Variants in RRP12 observed in about 807,000 individuals in gnomAD.
RRP12 encodes the protein ribosomal RNA processing 12 homolog.
Under a neutral mutation model 157.3 loss-of-function variants are expected in RRP12, and 78 were observed. The observed-to-expected ratio is 0.50, with a 90% CI of 0.41 to 0.60. The LOEUF (loss-of-function observed/expected upper bound fraction) is 0.60, where lower values mean the gene tolerates loss of function less well. RRP12 is among the 20% of genes least tolerant of loss of function. RRP12 has a pLI of 0.00. For missense variants in RRP12, 1,521 were observed against 1,679.9 expected (o/e 0.91, Z 1.65); for synonymous variants, 726 against 670.9 (o/e 1.08, Z -1.27).
chr10:97,379,542 G>T (rs1844404738), intron 14 of RRP12, 86 bp downstream of exon 14: 3 of 1,593,338 alleles, frequency 1.9e-6, no homozygotes, highest in Non-Finnish European at 2.6e-6. Context: ...CACTGACACA[G>T]ACTTTAGCCC....
At position 97,360,597 on chromosome 10, in the gene RRP12, G is replaced by T. The variant is rs762453114; in HGVS notation, c.3589C>A (p.His1197Asn). The T allele has an allele frequency of 3.1e-6, 5 of 1,613,974 alleles. No homozygotes were observed. In the South Asian group the frequency reaches 5.5e-5, roughly 18 times the overall value. ...IRNKKHQKLK[H>N]QKEAEEEELE... ...TCCTCCTCCTCAGCCTCTTTCTGGTGCTTGAGCTTCTGGTGCTTTTTCTAT... is the reference window on the plus strand; with the variant it reads ...TCCTCCTCCTCAGCCTCTTTCTGGTTCTTGAGCTTCTGGTGCTTTTTCTAT... The change falls in exon 31 of 34, where the codon CAC (histidine) becomes AAC (asparagine). Residue 1197 changes from histidine (H) to asparagine (N), a missense_variant. Transcript: ENST00000370992.
chr10:97,388,424 C>T (rs1332877621), intron 7 of RRP12, 45 bp from the exon 8 acceptor site: 1 of 1,613,010 alleles, frequency 6.2e-7, no homozygotes, highest in South Asian at 1.1e-5. Context: ...CGCCCTACCG[C>T]AGGCCCTGTC....
intron 7 of RRP12, 38 bp from the exon 8 acceptor site, chr10:97,388,417 C>T: frequency 6.2e-7 from 1 of 1,613,126 alleles, no homozygotes; most frequent in Non-Finnish European, 8.5e-7. Flanking sequence ...CCAGCCCCGC[C>T]CTACCGCAGG....
At position 97,388,485 on chromosome 10, in the gene RRP12, C is replaced by T; in HGVS notation, c.889+4G>A. The T allele has an allele frequency of 6.2e-7, 1 of 1,614,046 alleles. No homozygotes were observed. The highest frequency in any genetic ancestry group is 8.5e-7 in the Non-Finnish European group (1 of 1,179,922). ...TCCACCTGCCCTCCATTTGGGTTCC[C>T]CACCTCCAGACTTCTCAATCTCCTG... On this transcript the variant is annotated splice_donor_region_variant and intron_variant, in intron 7 of 33. Transcript: ENST00000370992.
At chr10:97,393,570 C>T (rs573753872) in intron 4 of RRP12, 114 bp downstream of exon 4, 17 of 868,024 alleles carry the variant, frequency 2.0e-5, no homozygotes, top group South Asian at 4.3e-5. Flanking sequence ...AGACAATGTT[C>T]ATGAAGAGCA....
In RRP12 at chr10:97,386,834, C is replaced by CA. The variant is rs922122250; in HGVS notation, c.1018-842dup. 6.0e-4 allele frequency among the ~76,000 whole-genome samples: 91 copies of CA among 152,178 alleles called. 2 individuals are homozygous for CA. Among genetic ancestry groups the CA allele is most frequent in the African/African-American group, 2.2e-3 (90 of 41,532 alleles). ...TGAAACCCCGTGTCTACTAAAAATA[C>CA]AAAAAACTAGTCAGGTGTGGTGGCG... is the stretch of plus-strand genomic sequence containing the variant. On this transcript the variant is annotated intron_variant, in intron 8 of 33. Transcript: ENST00000370992.
chr10:97,394,984 A>T (rs1453072274), intron 3 of RRP12, among the ~76,000 whole-genome samples: 1 of 151,986 alleles, frequency 6.6e-6, no homozygotes, highest in South Asian at 2.1e-4. Flanking sequence ...CTCTACTAAA[A>T]ATACAAAAAT....
chr10:97,366,664 C>A (rs543352035), intron 27 of RRP12, 43 bp from the exon 28 acceptor site: 1 of 1,597,408 alleles, frequency 6.3e-7, no homozygotes, highest in Non-Finnish European at 8.5e-7. Context: ...CCAGGAGAGG[C>A]GGGGGTCAGC....
At position 97,358,746 on chromosome 10, in the gene RRP12, T is replaced by G. The variant is rs1843773548; in HGVS notation, c.3709-127A>C. On this transcript the variant is annotated intron_variant, in intron 32 of 33. Coordinates refer to ENST00000370992, the MANE Select transcript of RRP12 (RefSeq NM_015179.4). ...TAGGTGGTGCCAAAGAGCTCCTGTA[T>G]CCTTGGAAGGCCATTCAATAAGGTC... is the stretch of plus-strand genomic sequence containing the variant. The G allele has an allele frequency of 3.5e-6, 3 of 845,148 alleles. No homozygotes were observed. The African/African-American group carries it at 5.1e-5, about 14-fold the overall frequency. 52.4% of individuals were successfully genotyped at this position (845,148 alleles called of 1,614,324 possible).
At chr10:97,379,501 G>T (rs1844403748) in intron 14 of RRP12, 87 bp from the exon 15 acceptor site, 5 of 1,595,238 alleles carry the variant, frequency 3.1e-6, no homozygotes, top group Non-Finnish European at 3.4e-6. Context: ...GACAGAGTAA[G>T]ACCTCCTCTG....
intron 2 of RRP12, among the ~76,000 whole-genome samples, chr10:97,397,995 A>G (rs1333400065): frequency 3.8e-5 from 2 of 53,054 alleles, no homozygotes; most frequent in Non-Finnish European, 3.4e-5. Flanking sequence ...AAAAATACGT[A>G]TATATATATA....
chr10:97,400,303 A>G lies in RRP12; in HGVS notation c.369+2T>C, dbSNP rs757778670. 6.2e-7 allele frequency: 1 copy of G among 1,612,032 alleles called. No homozygotes were observed. Among genetic ancestry groups the G allele is most frequent in the Admixed American group, 1.7e-5 (1 of 59,880 alleles). ...TATGGCCCTCCCGACCCTCGCCCCT[A>G]CCTCCTTGTGGGCAGCCGAGTTGGA... On this transcript the variant is annotated splice_donor_variant, in intron 2 of 33. Transcript: ENST00000370992. LOFTEE classifies it high-confidence loss of function.
chr10:97,363,686 G>A (rs922691232), intron 30 of RRP12, among the ~76,000 whole-genome samples, 168 bp downstream of exon 30: 5 of 152,190 alleles, frequency 3.3e-5, no homozygotes, highest in African/African-American at 1.2e-4. Flanking sequence ...ACCCTGTCCT[G>A]CCTGGCACCC....
At chr10:97,379,518 C>G in intron 14 of RRP12, 104 bp from the exon 15 acceptor site, 2 of 1,587,222 alleles carry the variant, frequency 1.3e-6, no homozygotes, top group South Asian at 2.3e-5. Context: ...TCTGGCCCCT[C>G]CTGCTGAGCC....
rs573688605 is a variant in RRP12, at chr10:97,372,757, G to A, written c.2228C>T (p.Pro743Leu). The A allele has an allele frequency of 6.4e-7, 1 of 1,562,726 alleles. No homozygotes were observed. The highest frequency in any genetic ancestry group is 8.7e-7 in the Non-Finnish European group (1 of 1,153,030). ...LEKASEKVLD[P>L]ASSDFTRLSV... ...TTACCTGGTAAAGTCAGAGCTGGCA[G>A]GGTCGAGCACCTTCTCACTGGCTTT... The change falls in exon 19 of 34, where the codon CCT becomes CTT. Residue 743 changes from proline to leucine, a missense_variant. Pro to Leu is a moderately conservative substitution (Grantham distance 98, BLOSUM62 -3). Coordinates refer to ENST00000370992, the MANE Select transcript of RRP12 (RefSeq NM_015179.4).
Position 97,366,195 on chromosome 10 carries a change from G to C in RRP12, c.3430C>G (p.His1144Asp). Residue 1144 changes from histidine to aspartate, a missense_variant, in exon 29 of 34, where the codon CAC becomes GAC. Physicochemically the swap from His to Asp is moderately conservative, Grantham distance 81. Transcript: ENST00000370992. ...CCATCGGCGCTCACCTTGAAGCCGTGGTCCTTCTTCCTGCCCCGGCCTGGC... is the reference window on the plus strand; with the variant it reads ...CCATCGGCGCTCACCTTGAAGCCGTCGTCCTTCTTCCTGCCCCGGCCTGGC... ...PGPGRGRKKD[H>D]GFKVSADGRL... The C allele has an allele frequency of 6.2e-7, 1 of 1,611,250 alleles. No individual in the cohort carries two copies. Among genetic ancestry groups the C allele is most frequent in the Non-Finnish European group, 8.5e-7 (1 of 1,179,964 alleles).
intron 3 of RRP12, among the ~76,000 whole-genome samples, 180 bp from the exon 4 acceptor site, chr10:97,393,940 C>G (rs1470376409): frequency 1.3e-5 from 2 of 152,200 alleles, no homozygotes; most frequent in Non-Finnish European, 2.9e-5. Context: ...ATCTGTGACT[C>G]AGTTTCTTCA....
chr10:97,392,157 A>C (rs1004682380), intron 4 of RRP12, among the ~76,000 whole-genome samples: 2 of 151,912 alleles, frequency 1.3e-5, no homozygotes, highest in African/African-American at 4.8e-5. Context: ...TTTTTTGTAG[A>C]GACAAGGTTT....
chr10:97,368,894 G>T (rs1249074588), intron 25 of RRP12, among the ~76,000 whole-genome samples: 1 of 152,228 alleles, frequency 6.6e-6, no homozygotes, highest in Non-Finnish European at 1.5e-5. Context: ...TAGGTACAGT[G>T]CACAGCTTGG....
Sources: gnomAD v4.1 joint callset for allele counts (sites outside exome capture counted in the v4.1 genomes callset) on GRCh38, gnomAD v4.1.1 for gene constraint, MANE v1.5 for transcripts, NCBI Gene and HGNC (gene_info 2026-07-23, HGNC 2026-07-21) for gene names.